DPP8: variants seen among roughly 807,000 people sequenced by gnomAD.
The protein encoded by DPP8 is DPP VIII.
In DPP8, 31 loss-of-function variants were observed where a neutral mutation model predicts 107.5. That is an observed-to-expected ratio of 0.29 (90% CI 0.22 to 0.39). The LOEUF is 0.39. Ranked by LOEUF, DPP8 falls within the 10% of genes least tolerant of loss-of-function variation. The pLI, the probability that DPP8 is intolerant of heterozygous loss-of-function variation, is 1.00. For missense variants in DPP8, 842 were observed against 1,076.1 expected (o/e 0.78, Z 3.04); for synonymous variants, 381 against 356.6 (o/e 1.07, Z -0.77).
chr15:65,447,599 G>C (rs896192499), intron 19 of DPP8, among the ~76,000 whole-genome samples: 9 of 152,196 alleles, frequency 5.9e-5, no homozygotes, highest in Non-Finnish European at 8.8e-5. Context: ...CAGTGCTATA[G>C]GATGTCTCAA....
intron 2 of DPP8, among the ~76,000 whole-genome samples, chr15:65,511,244 C>T (rs2070732371): frequency 6.6e-6 from 1 of 151,946 alleles, no homozygotes; most frequent in Admixed American, 6.6e-5. Flanking sequence ...AAATATGGCA[C>T]AATTATATAA....
intron 3 of DPP8, among the ~76,000 whole-genome samples, chr15:65,506,641 A>G (rs1276376507): frequency 5.9e-5 from 1 of 16,876 alleles, no homozygotes; most frequent in African/African-American, 1.6e-4. Flanking sequence ...TATACATAAC[A>G]TATATAAAAT....
chr15:65,499,786 G>C (rs981966985), intron 4 of DPP8, among the ~76,000 whole-genome samples: 3 of 150,122 alleles, frequency 2.0e-5, no homozygotes, highest in Non-Finnish European at 3.0e-5. Flanking sequence ...CGCTGGTCTG[G>C]AACTCCTAGG....
chr15:65,508,763 A>T (rs577236339), intron 2 of DPP8, among the ~76,000 whole-genome samples: 102 of 152,210 alleles, frequency 6.7e-4, no homozygotes, highest in African/African-American at 2.3e-3. Context: ...GAGGCAGGAG[A>T]ATCACTTGAA....
At chr15:65,512,643 A>G in intron 1 of DPP8, 79 bp from the exon 2 acceptor site, 1 of 1,523,414 alleles carries the variant, frequency 6.6e-7, no homozygotes, top group Non-Finnish European at 8.9e-7. Context: ...GGTCAAAAAA[A>G]AAGCGGGGGA....
chr15:65,509,165 G>C (rs531389650), intron 2 of DPP8, among the ~76,000 whole-genome samples: 1 of 152,170 alleles, frequency 6.6e-6, no homozygotes, highest in East Asian at 1.9e-4. Flanking sequence ...ACTCAATTTT[G>C]TGTAAAATCT....
chr15:65,515,811 AATAAG>A (rs1217654301), intron 1 of DPP8: 55 of 943,820 alleles, frequency 5.8e-5, no homozygotes, highest in African/African-American at 2.5e-4. Context: ...AGGATAATGA[AATAAG>A]ATAAGACTTT....
At position 65,446,666 on chromosome 15, in the gene DPP8, C is replaced by A; in HGVS notation, c.*218G>T. The A allele has an allele frequency of 1.0e-5, 2 of 195,256 alleles. No homozygotes were observed. The highest frequency in any genetic ancestry group is 2.6e-5 in the African/African-American group (1 of 38,966). 12.1% of individuals were successfully genotyped at this position (195,256 alleles called of 1,614,324 possible). On this transcript the variant is annotated 3_prime_UTR_variant, in exon 20 of 20. Transcript: ENST00000300141. ...ATTCTTATGGTATTGCTGGGTCTCT[C>A]AGGAATATGTATCATTTGATTTTGA... is the stretch of plus-strand genomic sequence containing the variant.
intron 5 of DPP8, among the ~76,000 whole-genome samples, chr15:65,497,464 T>A (rs548367543): frequency 1.6e-4 from 25 of 151,862 alleles, no homozygotes; most frequent in Non-Finnish European, 2.4e-4. Flanking sequence ...ATGTTGCCCA[T>A]CCTGATCTTG....
chr15:65,452,255 A>T (rs143887861), intron 17 of DPP8, among the ~76,000 whole-genome samples, 153 bp from the exon 18 acceptor site: 1 of 152,266 alleles, frequency 6.6e-6, no homozygotes, highest in Non-Finnish European at 1.5e-5. Context: ...CAGAATACGA[A>T]GTGAAGCGCT....
chr15:65,466,667 A>C lies in DPP8; in HGVS notation c.1825+11T>G. ...CTACTTAACGTCAGGATCAGGGGGAAAAAAGAATACCTGCTGAATCCAAAA... is the reference window on the plus strand; with the variant it reads ...CTACTTAACGTCAGGATCAGGGGGACAAAAGAATACCTGCTGAATCCAAAA... On this transcript the variant is annotated intron_variant, in intron 14 of 19. Coordinates refer to ENST00000300141, the MANE Select transcript of DPP8 (RefSeq NM_130434.5). 2 of 1,613,216 alleles carry C rather than the reference A, an allele frequency of 1.2e-6. No homozygotes were observed. The highest frequency in any genetic ancestry group is 1.7e-6 in the Non-Finnish European group (2 of 1,179,414).
At chr15:65,467,805 A>T (rs2140505982) in intron 12 of DPP8, among the ~76,000 whole-genome samples, 1 of 152,372 alleles carries the variant, frequency 6.6e-6, no homozygotes, top group South Asian at 2.1e-4. Context: ...ATTTCCTTAA[A>T]ATAACAACTC....
chr15:65,456,422 C>A, intron 15 of DPP8, 51 bp from the exon 16 acceptor site: 1 of 1,551,894 alleles, frequency 6.4e-7, no homozygotes, highest in African/African-American at 1.4e-5. Flanking sequence ...TATAAAAACC[C>A]AAGAGCGGCT....
At chr15:65,511,920 G>A (rs2070835895) in intron 2 of DPP8, 1 of 328,558 alleles carries the variant, frequency 3.0e-6, no homozygotes, top group Non-Finnish European at 6.1e-6. Context: ...AGGAAGAAGA[G>A]ACCAAAAACA....
At chr15:65,468,370 C>T (rs1172575906) in intron 12 of DPP8, among the ~76,000 whole-genome samples, 3 of 152,028 alleles carry the variant, frequency 2.0e-5, no homozygotes, top group Admixed American at 1.3e-4. Context: ...TGATGCATCC[C>T]TGTAGTCCCA....
intron 5 of DPP8, among the ~76,000 whole-genome samples, chr15:65,494,624 G>C (rs2068391818): frequency 8.8e-6 from 1 of 113,564 alleles, no homozygotes; most frequent in Admixed American, 1.2e-4. Flanking sequence ...GAGCCAATAG[G>C]AGACCCTGTC....
At chr15:65,489,560 T>C (rs1430385900) in intron 6 of DPP8, among the ~76,000 whole-genome samples, 8 of 146,968 alleles carry the variant, frequency 5.4e-5, no homozygotes, top group African/African-American at 2.0e-4. Flanking sequence ...ACTACAGGCG[T>C]CCCCCACCAT....
At chr15:65,452,368 G>A (rs1046042939) in intron 17 of DPP8, among the ~76,000 whole-genome samples, 6 of 151,950 alleles carry the variant, frequency 3.9e-5, no homozygotes, top group East Asian at 1.9e-4. Flanking sequence ...AGCCAGGCCC[G>A]TTATTAAAAG....
chr15:65,474,318 C>T, intron 11 of DPP8, 30 bp from the exon 12 acceptor site: 10 of 1,433,994 alleles, frequency 7.0e-6, no homozygotes, highest in Non-Finnish European at 9.8e-6. Flanking sequence ...TAATTCAGTA[C>T]ATTATACCAG....
Sources: gnomAD v4.1 joint callset for allele counts (sites outside exome capture counted in the v4.1 genomes callset) on GRCh38, gnomAD v4.1.1 for gene constraint, MANE v1.5 for transcripts, NCBI Gene and HGNC (gene_info 2026-07-23, HGNC 2026-07-21) for gene names.